Variants in DNAJC2 observed in about 807,000 individuals in gnomAD.
DNAJC2 encodes dnaJ homolog subfamily C member 2.
In DNAJC2, 32 loss-of-function variants were observed where a neutral mutation model predicts 94.0. The observed-to-expected ratio is 0.34, with a 90% CI of 0.26 to 0.46. The LOEUF is 0.46. DNAJC2 is among the 20% of genes least tolerant of loss of function. DNAJC2 has a pLI of 1.00. For synonymous variants in DNAJC2, 210 were observed against 229.7 expected, an observed-to-expected ratio of 0.91 and a Z score of 0.77; for missense variants, 550 against 719.5, an observed-to-expected ratio of 0.76 and a Z score of 2.69.
intron 3 of DNAJC2, chr7:103,329,543 T>C (rs1388811565): frequency 6.6e-6 from 1 of 152,260 alleles, no homozygotes; most frequent in East Asian, 1.9e-4. Context: ...TAGTTCTAGT[T>C]TCATTAACAT....
In DNAJC2 at chr7:103,312,511, T is replaced by A; in HGVS notation, c.*58A>T. ...ATTACCATGAGTATAATTTTAAGAA[T>A]GAAAATGTTTACAGTATTTTCAGTT... On this transcript the variant is annotated 3_prime_UTR_variant, in exon 17 of 17. Coordinates refer to ENST00000379263, the MANE Select transcript of DNAJC2 (RefSeq NM_014377.3). 1 of 1,583,802 alleles carries A rather than the reference T, an allele frequency of 6.3e-7. No homozygotes were observed.
chr7:103,336,275 T>C (rs1819170351), intron 3 of DNAJC2: 1 of 152,258 alleles, frequency 6.6e-6, no homozygotes, highest in Admixed American at 6.5e-5. Flanking sequence ...ACACAAACTA[T>C]TCTCACAGTT....
intron 3 of DNAJC2, among the ~76,000 whole-genome samples, chr7:103,332,026 G>A (rs1456691126): frequency 1.4e-5 from 2 of 145,944 alleles, no homozygotes; most frequent in African/African-American, 5.1e-5. Context: ...TTTTTTTGAG[G>A]CGGAGTCTTG....
intron 15 of DNAJC2, chr7:103,313,834 G>A (rs1409443465): frequency 5.0e-5 from 49 of 985,224 alleles, no homozygotes; most frequent in Non-Finnish European, 5.7e-5. Context: ...GTAGGTAAAA[G>A]TAGAATGTTA....
At chr7:103,316,180 T>G (rs1395601371) in intron 13 of DNAJC2, 92 bp from the exon 14 acceptor site, 1 of 747,656 alleles carries the variant, frequency 1.3e-6, no homozygotes, top group Non-Finnish European at 2.1e-6. Flanking sequence ...GCAGAAAGGT[T>G]ATAGTATGTA....
At chr7:103,331,405 C>T (rs1818964342) in intron 3 of DNAJC2, among the ~76,000 whole-genome samples, 1 of 152,192 alleles carries the variant, frequency 6.6e-6, no homozygotes, top group African/African-American at 2.4e-5. Context: ...ATATACAATA[C>T]ATCATTGTTA....
rs1818445324 is a variant in DNAJC2 at position 103,321,978 on chromosome 7, T to C, written c.1037A>G (p.Lys346Arg). The C allele has an allele frequency of 6.2e-7, 1 of 1,614,044 alleles. No homozygotes were observed. Among genetic ancestry groups the C allele is most frequent in the African/African-American group, 1.3e-5 (1 of 74,950 alleles). The change falls in exon 10 of 17, where the codon AAA (lysine) becomes AGA (arginine). Residue 346 changes from lysine (K) to arginine (R), a missense_variant. By Grantham distance (26) the Lys-to-Arg change is conservative. Coordinates refer to ENST00000379263, the MANE Select transcript of DNAJC2 (RefSeq NM_014377.3). ...TTGCCTTTCCTTCTTAATGGCTTTT[T>C]TCTGGATATCTTTTTCCTTCTTTGC... The part of the protein sequence containing the change: ...LLAKKEKDIQ[K>R]KAIKKERQKL...
intron 15 of DNAJC2, chr7:103,313,404 T>C: frequency 2.0e-6 from 2 of 983,926 alleles, no homozygotes; most frequent in Non-Finnish European, 1.2e-6. Flanking sequence ...TAAAAAGCCA[T>C]ATTTAAATTT....
intron 1 of DNAJC2, chr7:103,344,288 C>G: frequency 1.9e-6 from 1 of 532,622 alleles, no homozygotes; most frequent in Non-Finnish European, 3.3e-6. Flanking sequence ...GGGGTTCCGT[C>G]CCGAAATGCT....
chr7:103,328,905 C>A, intron 3 of DNAJC2: 1 of 764,286 alleles, frequency 1.3e-6, no homozygotes, highest in Non-Finnish European at 1.8e-6. Context: ...AAGTGTTTTT[C>A]CTTATTTAGG....
At chr7:103,335,850 T>G (rs1036246848) in intron 3 of DNAJC2, 2 of 152,214 alleles carry the variant, frequency 1.3e-5, no homozygotes, top group African/African-American at 4.8e-5. Flanking sequence ...TGGCTAAAAA[T>G]CAATTTCTAC....
chr7:103,340,584 A>T (rs1174776307), intron 2 of DNAJC2, among the ~76,000 whole-genome samples: 1 of 152,208 alleles, frequency 6.6e-6, no homozygotes, highest in Non-Finnish European at 1.5e-5. Flanking sequence ...CAACAAGGGA[A>T]ATGAGGTACA....
At chr7:103,323,911 G>T (rs1432275964) in intron 6 of DNAJC2, among the ~76,000 whole-genome samples, 1 of 152,176 alleles carries the variant, frequency 6.6e-6, no homozygotes, top group East Asian at 1.9e-4. Flanking sequence ...GCTTGACCAA[G>T]ACCTATTTTT....
At chr7:103,313,455 A>G (rs1447183804) in intron 15 of DNAJC2, 3 of 984,920 alleles carry the variant, frequency 3.0e-6, no homozygotes, top group Non-Finnish European at 3.6e-6. Flanking sequence ...CACAACCACA[A>G]TTCATTAAGA....
At chr7:103,343,512 A>G (rs1217287009) in intron 1 of DNAJC2, among the ~76,000 whole-genome samples, 3 of 152,180 alleles carry the variant, frequency 2.0e-5, no homozygotes, top group African/African-American at 7.2e-5. Context: ...CCTGAAATGA[A>G]TCAGGATGTC....
chr7:103,338,249 G>A (rs547229913), intron 2 of DNAJC2, among the ~76,000 whole-genome samples: 21 of 149,984 alleles, frequency 1.4e-4, no homozygotes, highest in East Asian at 9.8e-4. Context: ...CAGGATAGGC[G>A]ACAGAGCAAG....
intron 15 of DNAJC2, chr7:103,314,053 C>T: frequency 1.0e-6 from 1 of 985,290 alleles, no homozygotes; most frequent in African/African-American, 1.7e-5. Flanking sequence ...ACAAAACCAC[C>T]ACCTATTCAA....
chr7:103,319,125 G>C (rs764209343), intron 12 of DNAJC2, among the ~76,000 whole-genome samples: 6 of 150,148 alleles, frequency 4.0e-5, no homozygotes, highest in Non-Finnish European at 8.9e-5. Flanking sequence ...GTGACAGAGA[G>C]AGACTCCATC....
intron 2 of DNAJC2, among the ~76,000 whole-genome samples, chr7:103,339,277 T>A (rs1370110043): frequency 6.6e-6 from 1 of 152,214 alleles, no homozygotes; most frequent in African/African-American, 2.4e-5. Context: ...TGATCCATAT[T>A]TGATGAATGA....
Sources: gnomAD v4.1 joint callset for allele counts (sites outside exome capture counted in the v4.1 genomes callset) on GRCh38, gnomAD v4.1.1 for gene constraint, MANE v1.5 for transcripts, NCBI Gene and HGNC (gene_info 2026-07-23, HGNC 2026-07-21) for gene names.